Variants in CADPS observed in about 807,000 individuals in gnomAD.
The protein encoded by CADPS is calcium-dependent secretion activator 1.
Under a neutral mutation model 167.3 loss-of-function variants are expected in CADPS, and 57 were observed. The observed-to-expected ratio is 0.34, with a 90% confidence interval of 0.28 to 0.42. The LOEUF (loss-of-function observed/expected upper bound fraction) is 0.42, where lower values mean the gene tolerates loss of function less well. CADPS is among the 20% of genes least tolerant of loss of function. The pLI is 1.00. For synonymous variants in CADPS, 676 were observed against 635.3 expected (o/e 1.06, Z -0.96); for missense variants, 1,414 against 1,738.1 (o/e 0.81, Z 3.32).
intron 4 of CADPS, among the ~76,000 whole-genome samples, chr3:62,654,502 G>C (rs1367764546): frequency 6.6e-6 from 1 of 152,132 alleles, no homozygotes; most frequent in Admixed American, 6.6e-5. Context: ...GGAAAATACT[G>C]TAGGCAACCA....
chr3:62,722,737 T>A (rs930955706), intron 3 of CADPS, among the ~76,000 whole-genome samples: 1 of 152,172 alleles, frequency 6.6e-6, no homozygotes, highest in African/African-American at 2.4e-5. Flanking sequence ...TAACCACACA[T>A]GAACAGATTG....
chr3:62,410,972 G>T (rs180685026), intron 28 of CADPS, among the ~76,000 whole-genome samples: 119 of 152,280 alleles, frequency 7.8e-4, no homozygotes, highest in African/African-American at 2.6e-3. Context: ...AAGTATGGTG[G>T]TGTGTGCCTG....
chr3:62,761,182 C>A (rs1428584005), intron 2 of CADPS, among the ~76,000 whole-genome samples: 1 of 152,066 alleles, frequency 6.6e-6, no homozygotes. Flanking sequence ...ATAACAACAA[C>A]AATACTGGCA....
chr3:62,798,875 A>G (rs772140706), intron 1 of CADPS, among the ~76,000 whole-genome samples: 2 of 152,194 alleles, frequency 1.3e-5, no homozygotes, highest in Non-Finnish European at 2.9e-5. Context: ...TGTTGAGTAA[A>G]GAATGAATGA....
intron 3 of CADPS, among the ~76,000 whole-genome samples, chr3:62,744,059 T>C (rs1470459792): frequency 6.6e-6 from 1 of 152,214 alleles, no homozygotes; most frequent in African/African-American, 2.4e-5. Flanking sequence ...GCTGACTGGC[T>C]GTATGACCTT....
At chr3:62,733,503 A>C (rs1385325319) in intron 3 of CADPS, among the ~76,000 whole-genome samples, 1 of 152,170 alleles carries the variant, frequency 6.6e-6, no homozygotes, top group Non-Finnish European at 1.5e-5. Flanking sequence ...GCTCTTGTAC[A>C]TTTTTCTCCT....
intron 1 of CADPS, among the ~76,000 whole-genome samples, chr3:62,780,151 G>A (rs1157726670): frequency 6.6e-6 from 1 of 152,114 alleles, no homozygotes; most frequent in African/African-American, 2.4e-5. Flanking sequence ...GGGATTACAG[G>A]CGTGAGCCAC....
chr3:62,567,693 G>A (rs1038918950), intron 9 of CADPS, among the ~76,000 whole-genome samples: 3 of 145,440 alleles, frequency 2.1e-5, no homozygotes, highest in Admixed American at 7.1e-5. Context: ...TCCTGCCTCC[G>A]CGTTCCCTGT....
intron 1 of CADPS, among the ~76,000 whole-genome samples, chr3:62,833,506 TA>T (rs1156912351): frequency 6.6e-6 from 1 of 151,928 alleles, no homozygotes; most frequent in African/African-American, 2.4e-5. Context: ...CTTAGATTTT[TA>T]ACAAATGATA....
chr3:62,413,827 C>T (rs2049467888), intron 28 of CADPS, among the ~76,000 whole-genome samples: 1 of 151,826 alleles, frequency 6.6e-6, no homozygotes, highest in Non-Finnish European at 1.5e-5. Context: ...CGAAACTTTG[C>T]CTAAGAAAGA....
chr3:62,609,253 C>T (rs1413246124), intron 6 of CADPS, among the ~76,000 whole-genome samples: 1 of 151,894 alleles, frequency 6.6e-6, no homozygotes, highest in African/African-American at 2.4e-5. Flanking sequence ...CACTTCCAGC[C>T]TGCCTGCTTC....
chr3:62,578,267 G>C (rs1174926170), intron 8 of CADPS, among the ~76,000 whole-genome samples: 1 of 150,604 alleles, frequency 6.6e-6, no homozygotes, highest in African/African-American at 2.4e-5. Context: ...GAAGAATACT[G>C]CTGGGGATCA....
In CADPS at chr3:62,446,994, G is replaced by T. The variant is rs1386446408; in HGVS notation, c.3637-1197C>A. Among the ~76,000 whole-genome samples, 2 of 152,166 alleles carry T rather than the reference G, an allele frequency of 1.3e-5. No individual in the cohort carries two copies. The highest frequency in any genetic ancestry group is 2.9e-5 in the Non-Finnish European group (2 of 68,034). ...CTTCACCCAAATGTCTCCCAGAAAA[G>T]TACCCAGGGGAGTGATTTCCTCTGT... On this transcript the variant is annotated intron_variant, in intron 26 of 29. Coordinates refer to ENST00000383710, the MANE Select transcript of CADPS (RefSeq NM_003716.4). This position sits in a 1 kb window ranked among gnomAD's most constrained non-coding sequence, Gnocchi z 4.9.
intron 1 of CADPS, among the ~76,000 whole-genome samples, chr3:62,834,257 G>T (rs1314376315): frequency 2.0e-5 from 3 of 152,012 alleles, no homozygotes; most frequent in Admixed American, 6.6e-5. Flanking sequence ...ACCTGCTTTG[G>T]GGCACCTCCA....
At chr3:62,609,443 G>C (rs2061180446) in intron 6 of CADPS, among the ~76,000 whole-genome samples, 1 of 152,162 alleles carries the variant, frequency 6.6e-6, no homozygotes, top group Admixed American at 6.5e-5. Context: ...TCAGGACTTT[G>C]GAAAATTAAG....
At chr3:62,634,507 A>T (rs1400957736) in intron 6 of CADPS, among the ~76,000 whole-genome samples, 1 of 152,190 alleles carries the variant, frequency 6.6e-6, no homozygotes, top group Non-Finnish European at 1.5e-5. Flanking sequence ...GAATATTCAG[A>T]TTTTAACAAT....
At chr3:62,530,908 A>G in intron 13 of CADPS, 1 of 546,844 alleles carries the variant, frequency 1.8e-6, no homozygotes, top group Non-Finnish European at 2.4e-6. Context: ...AAAGAAAGAA[A>G]AAGAAGGGTG....
intron 2 of CADPS, among the ~76,000 whole-genome samples, chr3:62,760,200 A>G (rs1480443522): frequency 6.6e-6 from 1 of 152,024 alleles, no homozygotes. Flanking sequence ...TCTAACCTTA[A>G]TATATTAATA....
rs1239435165 is a variant in CADPS at position 62,602,635 on chromosome 3, T to C, written c.1326-9887A>G. Among the ~76,000 whole-genome samples the C allele has an allele frequency of 6.6e-6, 1 of 152,150 alleles. No homozygotes were observed. The highest frequency in any genetic ancestry group is 2.4e-5 in the African/African-American group (1 of 41,434). On this transcript the variant is annotated intron_variant, in intron 6 of 29. Transcript: ENST00000383710. This position sits in a 1 kb window ranked among gnomAD's most constrained non-coding sequence, Gnocchi z 4.4. The stretch of plus-strand genomic sequence containing the variant: ...AGGCTGGGCTTTGGGTTCTTTAGTG[T>C]ACTAGAAAAGCTAAGCTACCTCTCA...
Sources: gnomAD v4.1 joint callset for allele counts (sites outside exome capture counted in the v4.1 genomes callset) on GRCh38, gnomAD v4.1.1 for gene constraint, Gnocchi (gnomAD v3.1) non-coding constraint, MANE v1.5 for transcripts, NCBI Gene and HGNC (gene_info 2026-07-23, HGNC 2026-07-21) for gene names.